PCDH19: variants seen among roughly 807,000 people sequenced by gnomAD.
PCDH19 encodes the protein protocadherin-19.
A neutral mutation model predicts 46.2 loss-of-function variants in PCDH19; 6 were observed. That is an observed-to-expected ratio of 0.13 (90% CI 0.07 to 0.26). The LOEUF is 0.26. Ranked by LOEUF, PCDH19 falls within the 10% of genes least tolerant of loss-of-function variation. The probability of loss-of-function intolerance (pLI) is 1.00; values close to 1 mark genes in which losing one functional copy is unlikely to be tolerated. For synonymous variants in PCDH19, 481 were observed against 415.7 expected, an observed-to-expected ratio of 1.16 and a Z score of -1.91; for missense variants, 740 against 972.3, an observed-to-expected ratio of 0.76 and a Z score of 3.18.
chrX:100,316,125 T>G (rs1225257414), intron 5 of PCDH19, among the ~76,000 whole-genome samples: 1 of 111,932 alleles, frequency 8.9e-6, no homozygotes, highest in Non-Finnish European at 1.9e-5. Flanking sequence ...TTTATTGAAT[T>G]TTCCTCTCTT....
At position 100,350,665 on chromosome X, in the gene PCDH19, G is replaced by C. The variant is rs756414485; in HGVS notation, c.2656C>G (p.Arg886Gly). 8.4e-7 allele frequency: 1 copy of C among 1,188,631 alleles called. No individual in the cohort carries two copies. The highest frequency in any genetic ancestry group is 1.8e-5 in the South Asian group (1 of 56,178). Residue 886 changes from arginine (R) to glycine (G), a missense_variant, in exon 4 of 6, where the codon CGA (arginine) becomes GGA (glycine). This residue lies in a region of PCDH19 where 416 missense variants were observed against 476.8 expected (regional missense o/e 0.87). Transcript: ENST00000373034. ...ACATACCTCTTGATTAAATGGGCTCGGCTATTCACGTAGTTGGAGTCAAAA... is the reference window on the plus strand; with the variant it reads ...ACATACCTCTTGATTAAATGGGCTCCGCTATTCACGTAGTTGGAGTCAAAA... Reference protein sequence around the residue: ...YSFDSNYVNSRAHLIKSSSTF... With the variant: ...YSFDSNYVNSGAHLIKSSSTF...
intron 3 of PCDH19, among the ~76,000 whole-genome samples, chrX:100,385,122 G>C: frequency 1.0e-5 from 1 of 99,992 alleles, no homozygotes; most frequent in Middle Eastern, 5.3e-3. Context: ...TGACACCACT[G>C]CACTCAGACC....
chrX:100,403,723 C>A (rs1928265303), intron 1 of PCDH19, 59 bp from the exon 2 acceptor site: 2 of 1,050,476 alleles, frequency 1.9e-6, no homozygotes, highest in Admixed American at 2.7e-5. Context: ...GGTGTACCTA[C>A]AAGCAGCTGT....
At chrX:100,328,496 C>A (rs1386050333) in intron 5 of PCDH19, among the ~76,000 whole-genome samples, 5 of 111,398 alleles carry the variant, frequency 4.5e-5, no homozygotes, top group Non-Finnish European at 7.5e-5. Flanking sequence ...AAAGCTCATT[C>A]CTTGGCTCAT....
chrX:100,406,747 T>C lies in PCDH19; in HGVS notation c.1851A>G (p.Ile617Met). The change falls in exon 1 of 6, where the codon ATA becomes ATG. Residue 617 changes from isoleucine to methionine, a missense_variant. Transcript: ENST00000373034. ...TTCTGACTTCGCCATTGACCTGGTC[T>C]ATTTCAAAGAAGCCGCGGTCGCCCT... ...MTEGDRGFFE[I>M]DQVNGEVRTT... The C allele has an allele frequency of 8.3e-7, 1 of 1,211,807 alleles. No individual in the cohort carries two copies. Among genetic ancestry groups the C allele is most frequent in the Non-Finnish European group, 1.1e-6 (1 of 895,562 alleles).
chrX:100,357,752 C>T (rs1022179592), intron 3 of PCDH19, among the ~76,000 whole-genome samples: 2 of 112,214 alleles, frequency 1.8e-5, no homozygotes, highest in Non-Finnish European at 3.8e-5. Flanking sequence ...TGTAATTATG[C>T]ATTTCCTCAG....
chrX:100,405,338 T>A (rs1336329749), intron 1 of PCDH19, among the ~76,000 whole-genome samples: 2 of 111,837 alleles, frequency 1.8e-5, no homozygotes, highest in Non-Finnish European at 3.8e-5. Context: ...AAGAAACAAC[T>A]TTTTTCAACT....
At chrX:100,334,130 C>A (rs1341635910) in intron 5 of PCDH19, among the ~76,000 whole-genome samples, 1 of 110,856 alleles carries the variant, frequency 9.0e-6, no homozygotes, top group Non-Finnish European at 1.9e-5. Flanking sequence ...ATTAAAATAA[C>A]CTTGAATATC....
chrX:100,325,090 T>A (rs1462247273), intron 5 of PCDH19, among the ~76,000 whole-genome samples: 6 of 109,465 alleles, frequency 5.5e-5, no homozygotes, highest in Non-Finnish European at 1.1e-4. Context: ...CACCTAGCCA[T>A]CCGATTCACA....
chrX:100,347,410 G>C (rs752501854), intron 4 of PCDH19, among the ~76,000 whole-genome samples: 34 of 112,046 alleles, frequency 3.0e-4, no homozygotes, highest in African/African-American at 1.1e-3. Flanking sequence ...GGTCCTGTCT[G>C]AAGTATTTTT....
rs66715683 is a variant in PCDH19, at chrX:100,379,347, A to ACACACACACACACACAC, written c.2616+23176_2616+23177insGTGTGTGTGTGTGTGTG. The stretch of plus-strand genomic sequence containing the variant: ...CACACACACACACACACACACACAC[A>ACACACACACACACACAC]CATTTCCTCCCAGCTCTCAGGAACA... On this transcript the variant is annotated intron_variant, in intron 3 of 5. Transcript: ENST00000373034. 3.2e-4 allele frequency among the ~76,000 whole-genome samples: 21 copies of ACACACACACACACACAC among 65,261 alleles called. No homozygotes were observed. The East Asian group carries it at 7.6e-3, about 23-fold the overall frequency. 56.7% of individuals were successfully genotyped at this position (65,261 alleles called of 115,157 possible).
intron 2 of PCDH19, 87 bp from the exon 3 acceptor site, chrX:100,402,938 C>T (rs1928236656): frequency 2.9e-6 from 2 of 686,364 alleles, no homozygotes; most frequent in African/African-American, 2.1e-5. Context: ...CAGAGGGTTG[C>T]ACCCCATCTC....
intron 5 of PCDH19, among the ~76,000 whole-genome samples, chrX:100,320,454 A>C (rs1015467900): frequency 1.3e-4 from 14 of 111,896 alleles, no homozygotes; most frequent in African/African-American, 4.5e-4. Context: ...TAAAAGAAAA[A>C]GGCAATAATA....
chrX:100,314,502 A>C (rs1460523271), intron 5 of PCDH19, among the ~76,000 whole-genome samples: 1 of 112,253 alleles, frequency 8.9e-6, no homozygotes. Flanking sequence ...AGGAAGCTAG[A>C]AATTTTTCCA....
At chrX:100,312,657 C>T (rs1443017210) in intron 5 of PCDH19, among the ~76,000 whole-genome samples, 1 of 111,512 alleles carries the variant, frequency 9.0e-6, no homozygotes, top group Non-Finnish European at 1.9e-5. Context: ...CTATGCTTGT[C>T]CCAGTGCTCT....
At chrX:100,336,279 G>A (rs979459382) in intron 5 of PCDH19, among the ~76,000 whole-genome samples, 4 of 111,687 alleles carry the variant, frequency 3.6e-5, no homozygotes, top group Non-Finnish European at 7.5e-5. Context: ...GAGGTGAGTC[G>A]GGGGACAGAT....
intron 5 of PCDH19, among the ~76,000 whole-genome samples, chrX:100,302,124 G>A (rs1924799349): frequency 8.9e-6 from 1 of 111,845 alleles, no homozygotes; most frequent in South Asian, 3.8e-4. Flanking sequence ...CCTGAAGATA[G>A]AAGCCATGTG....
intron 5 of PCDH19, among the ~76,000 whole-genome samples, chrX:100,334,755 CGT>C (rs55977851): frequency 1.3e-3 from 133 of 100,475 alleles, no homozygotes; most frequent in Non-Finnish European, 2.2e-3. Context: ...ATATAACCAA[CGT>C]GTGTGTGTGT....
At chrX:100,394,254 G>C (rs751428590) in intron 3 of PCDH19, among the ~76,000 whole-genome samples, 55 of 112,300 alleles carry the variant, frequency 4.9e-4, no homozygotes, top group African/African-American at 1.6e-3. Flanking sequence ...CTTCCTGCCT[G>C]CTTCAGTCCC....
Sources: gnomAD v4.1 joint callset for allele counts (sites outside exome capture counted in the v4.1 genomes callset) on GRCh38, gnomAD v4.1.1 for gene constraint, gnomAD v4.1.1 regional missense constraint, MANE v1.5 for transcripts, NCBI Gene and HGNC (gene_info 2026-07-23, HGNC 2026-07-21) for gene names.